The following CELSR1 variants were observed in gnomAD, a reference collection of about 807,000 sequenced individuals.
CELSR1 encodes the protein adhesion G protein-coupled receptor C1.
Under a neutral mutation model 249.1 loss-of-function variants are expected in CELSR1, and 110 were observed. The ratio of observed to expected loss-of-function variants is 0.44; its 90% CI spans 0.38 to 0.52. The LOEUF is 0.52. Ranked by LOEUF, CELSR1 falls within the 20% of genes least tolerant of loss-of-function variation. The pLI is 0.00. For synonymous variants in CELSR1, 2,113 were observed against 1,900.0 expected (o/e 1.11, Z -2.92); for missense variants, 4,109 against 4,296.4 (o/e 0.96, Z 1.22).
rs1204520491 is a variant in CELSR1, at chr22:46,512,360, C to A, written c.3544+21267G>T. Among the ~76,000 whole-genome samples, 1 of 152,182 alleles carries A rather than the reference C, an allele frequency of 6.6e-6. No homozygotes were observed. Among genetic ancestry groups the A allele is most frequent in the Non-Finnish European group, 1.5e-5 (1 of 68,030 alleles). ...CCAAGGCAGGCGGATCACATGAGGT[C>A]AGGAGATCGAGACCATCCTGGCCAA... On this transcript the variant is annotated intron_variant, in intron 1 of 34. Coordinates refer to ENST00000674500, the MANE Select transcript of CELSR1 (RefSeq NM_001378328.1). This position sits in a 1 kb window ranked among gnomAD's most constrained non-coding sequence, Gnocchi z 5.2.
Position 46,381,042 on chromosome 22 carries a change from CA to C in CELSR1, c.7089-88del, listed in dbSNP as rs1451013438. 1 of 1,377,234 alleles carries C rather than the reference CA, an allele frequency of 7.3e-7. No homozygotes were observed. The highest frequency in any genetic ancestry group is 1.0e-6 in the Non-Finnish European group (1 of 997,930). The allele number at this position is 1,377,234 out of a possible 1,614,324, so 85.3% of individuals were successfully genotyped here. On this transcript the variant is annotated intron_variant, in intron 21 of 34. Transcript: ENST00000674500. The surrounding 1 kb of genome is among the most constrained non-coding windows in gnomAD (Gnocchi z 6.0). ...GCGCACAAATGCCCTGAGGACACGC[CA>C]TGATGTGTTTCTAGGGGAGACAGAA...
intron 2 of CELSR1, among the ~76,000 whole-genome samples, chr22:46,456,672 A>T: frequency 6.6e-6 from 1 of 151,198 alleles, no homozygotes; most frequent in African/African-American, 2.4e-5. Flanking sequence ...AAAAAAAAAA[A>T]AAAAAAAAAA....
In CELSR1 at chr22:46,506,193, A is replaced by G. The variant is rs1175730967; in HGVS notation, c.3544+27434T>C. On this transcript the variant is annotated intron_variant, in intron 1 of 34. Transcript: ENST00000674500. The surrounding 1 kb of genome is among the most constrained non-coding windows in gnomAD (Gnocchi z 4.1). ...GTCTCCAAAAAAAAAAAAAAAAAAAAGAAAAAGAAAGAAAGACAGAAAAGA... is the reference window on the plus strand; with the variant it reads ...GTCTCCAAAAAAAAAAAAAAAAAAAGGAAAAAGAAAGAAAGACAGAAAAGA... Among the ~76,000 whole-genome samples the G allele has an allele frequency of 6.7e-6, 1 of 148,966 alleles. No homozygotes were observed. Among genetic ancestry groups the G allele is most frequent in the Non-Finnish European group, 1.5e-5 (1 of 66,940 alleles).
intron 1 of CELSR1, among the ~76,000 whole-genome samples, chr22:46,487,114 G>A (rs2080320567): frequency 6.6e-6 from 1 of 151,322 alleles, no homozygotes; most frequent in African/African-American, 2.4e-5. Context: ...TTCTTCCCAT[G>A]GCACCTTTGG....
intron 1 of CELSR1, among the ~76,000 whole-genome samples, chr22:46,483,943 A>G (rs2080291051): frequency 6.6e-6 from 1 of 152,214 alleles, no homozygotes; most frequent in African/African-American, 2.4e-5. Context: ...CCTATTTAAG[A>G]GCAAAGGTGT....
chr22:46,390,964 T>A lies in CELSR1; in HGVS notation c.6250+222A>T, dbSNP rs977220190. On this transcript the variant is annotated intron_variant, in intron 16 of 34. Coordinates refer to ENST00000674500, the MANE Select transcript of CELSR1 (RefSeq NM_001378328.1). This position sits in a 1 kb window ranked among gnomAD's most constrained non-coding sequence, Gnocchi z 6.3. Reference sequence around the variant, plus strand: ...AGAGCAGGGACTGGCCGGGCCTGACTGGCGGGCGTCCCCACACGCGCTGCA... The same window carrying A: ...AGAGCAGGGACTGGCCGGGCCTGACAGGCGGGCGTCCCCACACGCGCTGCA... Among the ~76,000 whole-genome samples the A allele has an allele frequency of 6.6e-6, 1 of 152,218 alleles. No homozygotes were observed. Among genetic ancestry groups the A allele is most frequent in the African/African-American group, 2.4e-5 (1 of 41,458 alleles).
intron 14 of CELSR1, 39 bp downstream of exon 14, chr22:46,394,103 C>T (rs779314526): frequency 6.3e-7 from 1 of 1,598,694 alleles, no homozygotes; most frequent in Admixed American, 1.7e-5. Context: ...TGTGTGTGAG[C>T]AAACACAGCA....
In CELSR1 at chr22:46,468,901, CCT is replaced by C. The variant is rs983502034; in HGVS notation, c.3545-4558_3545-4557del. Among the ~76,000 whole-genome samples, 49 of 152,118 alleles carry C rather than the reference CCT, an allele frequency of 3.2e-4. No homozygotes were observed. The highest frequency in any genetic ancestry group is 7.9e-4 in the Admixed American group (12 of 15,258). ...ACCAGCATGGCCAACATGGTGAAAC[CCT>C]GTCTCTACTAAAAATACAAAAAGCT... On this transcript the variant is annotated intron_variant, in intron 1 of 34. Transcript: ENST00000674500. The surrounding 1 kb of genome is among the most constrained non-coding windows in gnomAD (Gnocchi z 4.5).
intron 25 of CELSR1, chr22:46,370,321 A>G: frequency 5.6e-6 from 2 of 356,450 alleles, no homozygotes; most frequent in South Asian, 2.1e-5. Context: ...ACACATGTAC[A>G]TACCCTATAC....
chr22:46,489,671 G>C (rs1314531999), intron 1 of CELSR1, among the ~76,000 whole-genome samples: 4 of 152,090 alleles, frequency 2.6e-5, no homozygotes, highest in South Asian at 2.1e-4. Context: ...CCAGCACTTT[G>C]GGAGGCCGAG....
chr22:46,456,323 C>T (rs116668539), intron 2 of CELSR1, among the ~76,000 whole-genome samples: 20 of 152,276 alleles, frequency 1.3e-4, no homozygotes, highest in African/African-American at 4.8e-4. Flanking sequence ...ATGAGTGCGT[C>T]AGCAGATCAC....
intron 1 of CELSR1, among the ~76,000 whole-genome samples, chr22:46,492,818 A>G (rs1157711383): frequency 6.6e-6 from 1 of 152,162 alleles, no homozygotes; most frequent in African/African-American, 2.4e-5. Flanking sequence ...AGATCATGCC[A>G]CTGCACTCCA....
chr22:46,376,686 A>G (rs2078921759), intron 24 of CELSR1, among the ~76,000 whole-genome samples: 1 of 152,052 alleles, frequency 6.6e-6, no homozygotes, highest in South Asian at 2.1e-4. Flanking sequence ...CACTTTTGAC[A>G]AGAGTTGTAT....
Position 46,433,569 on chromosome 22 carries a change from G to C in CELSR1, c.4523-88C>G. On this transcript the variant is annotated intron_variant, in intron 4 of 34. Transcript: ENST00000674500. The surrounding 1 kb of genome is among the most constrained non-coding windows in gnomAD (Gnocchi z 5.7). ...GGATTGCGCTGTGAGGCATCAGGGG[G>C]AGACAGGTGCACATGGCCACGTCCT... The C allele has an allele frequency of 1.0e-6, 1 of 1,003,512 alleles. No individual in the cohort carries two copies. 62.2% of individuals were successfully genotyped at this position (1,003,512 alleles called of 1,614,324 possible).
chr22:46,371,649 AC>A (rs1435033304), intron 25 of CELSR1, among the ~76,000 whole-genome samples: 7 of 148,984 alleles, frequency 4.7e-5, no homozygotes, highest in Non-Finnish European at 1.5e-5. Context: ...CCATCCATCC[AC>A]CCACTCATCT....
chr22:46,466,448 G>A (rs907792360), intron 1 of CELSR1, among the ~76,000 whole-genome samples: 9 of 152,182 alleles, frequency 5.9e-5, no homozygotes, highest in African/African-American at 1.4e-4. Flanking sequence ...AGGGCACATC[G>A]GGAAGAAGGC....
rs2079428275 is a variant in CELSR1, at chr22:46,418,455, A to G, written c.4612-6696T>C. Among the ~76,000 whole-genome samples, 2 of 152,258 alleles carry G rather than the reference A, an allele frequency of 1.3e-5. 1 individual carries two copies. Among genetic ancestry groups the G allele is most frequent in the South Asian group, 4.1e-4 (2 of 4,836 alleles). ...GGCCGAGATTGTACAACTACACTCC[A>G]GCCTGGGCGACAGAGCAAGATTCCG... is the stretch of plus-strand genomic sequence containing the variant. On this transcript the variant is annotated intron_variant, in intron 5 of 34. Coordinates refer to ENST00000674500, the MANE Select transcript of CELSR1 (RefSeq NM_001378328.1).
Position 46,395,028 on chromosome 22 carries a change from C to T in CELSR1, c.5844-766G>A, listed in dbSNP as rs189508817. Among the ~76,000 whole-genome samples the T allele has an allele frequency of 9.0e-4, 137 of 152,334 alleles. 1 individual carries two copies. In the East Asian group the frequency reaches 0.025, roughly 28 times the overall value. On this transcript the variant is annotated intron_variant, in intron 13 of 34. Coordinates refer to ENST00000674500, the MANE Select transcript of CELSR1 (RefSeq NM_001378328.1). This position sits in a 1 kb window ranked among gnomAD's most constrained non-coding sequence, Gnocchi z 5.5. ...GTGTCCTGCGGGCTCCTGCAATCCC[C>T]CCTGGCTAACCAAGTTCCCTCCACC...
chr22:46,465,924 T>C (rs1392866432), intron 1 of CELSR1, among the ~76,000 whole-genome samples: 3 of 152,200 alleles, frequency 2.0e-5, no homozygotes, highest in Non-Finnish European at 4.4e-5. Context: ...CCCTGGGTGC[T>C]GTTGCTCTGC....
Sources: allele counts gnomAD v4.1 joint callset (sites outside exome capture counted in the v4.1 genomes callset), GRCh38; gene constraint gnomAD v4.1.1; non-coding constraint Gnocchi (gnomAD v3.1); transcripts MANE v1.5; gene names NCBI Gene and HGNC (gene_info 2026-07-23, HGNC 2026-07-21).